The following PTN variants were observed in gnomAD, a reference collection of about 807,000 sequenced individuals.
PTN encodes the protein heparin affin regulatory protein.
In PTN, 18 loss-of-function variants were observed where a neutral mutation model predicts 24.1. The observed-to-expected ratio is 0.75, with a 90% CI of 0.52 to 1.11. PTN has a LOEUF of 1.11. Ranked by LOEUF, PTN falls within the 50% of genes least tolerant of loss-of-function variation. The pLI is 0.00. For missense variants in PTN, 163 were observed against 198.8 expected (o/e 0.82, Z 1.08); for synonymous variants, 78 against 68.6 (o/e 1.14, Z -0.67).
chr7:137,331,532 C>T (rs542657990), intron 1 of PTN, among the ~76,000 whole-genome samples: 2 of 152,330 alleles, frequency 1.3e-5, no homozygotes, highest in African/African-American at 4.8e-5. Flanking sequence ...TCACTTTAAA[C>T]TCGAGCCAGT....
rs542735816 is a variant in PTN, at chr7:137,236,300, G to A, written c.452-8225C>T. ...TCCAAATCATAAAGGGCCCATTCAG[G>A]ATGCACTTTCTTTACACAGTAGAGT... On this transcript the variant is annotated intron_variant, in intron 4 of 4. Transcript: ENST00000348225. The A allele has an allele frequency of 7.1e-6, 5 of 701,442 alleles. No individual in the cohort carries two copies. The Admixed American group carries it at 8.0e-5, about 11-fold the overall frequency. 43.5% of individuals were successfully genotyped at this position (701,442 alleles called of 1,614,324 possible). A position where few individuals can be genotyped will look rare whatever the true frequency, so the allele number is the denominator to read the frequency against.
At chr7:137,279,468 A>G (rs1268948388) in intron 1 of PTN, among the ~76,000 whole-genome samples, 4 of 152,198 alleles carry the variant, frequency 2.6e-5, no homozygotes, top group Admixed American at 6.5e-5. Context: ...AGAATTTCAG[A>G]AAAGCTTCCA....
chr7:137,311,575 C>T (rs1441615210), intron 1 of PTN, among the ~76,000 whole-genome samples: 2 of 152,060 alleles, frequency 1.3e-5, no homozygotes, highest in African/African-American at 2.4e-5. Flanking sequence ...TTTATTTGAA[C>T]ACTTAGAGGC....
Position 137,323,822 on chromosome 7 carries a change from G to T in PTN, c.-2+19617C>A, listed in dbSNP as rs138048931. Reference sequence around the variant, plus strand: ...AGTCTGGGGTACTAGCTGAGAATTTGCATGTCTAACGAGTTCTTAGGTGAA... The same window carrying T: ...AGTCTGGGGTACTAGCTGAGAATTTTCATGTCTAACGAGTTCTTAGGTGAA... On this transcript the variant is annotated intron_variant, in intron 1 of 4. Coordinates refer to ENST00000348225, the MANE Select transcript of PTN (RefSeq NM_002825.7). 1.2e-3 allele frequency among the ~76,000 whole-genome samples: 188 copies of T among 152,216 alleles called. 1 individual carries two copies. The highest frequency in any genetic ancestry group is 4.3e-3 in the African/African-American group (178 of 41,556).
intron 1 of PTN, among the ~76,000 whole-genome samples, chr7:137,293,685 G>C (rs1563214864): frequency 6.6e-6 from 1 of 152,190 alleles, no homozygotes; most frequent in East Asian, 1.9e-4. Flanking sequence ...GAGATTTCCT[G>C]TATACTCCCT....
chr7:137,327,388 T>C (rs1286982113), intron 1 of PTN, among the ~76,000 whole-genome samples: 2 of 152,116 alleles, frequency 1.3e-5, no homozygotes, highest in African/African-American at 4.8e-5. Flanking sequence ...CCACTCACTC[T>C]CTGCACAAAT....
At chr7:137,332,246 C>A (rs372152802) in intron 1 of PTN, among the ~76,000 whole-genome samples, 1 of 152,062 alleles carries the variant, frequency 6.6e-6, no homozygotes, top group Non-Finnish European at 1.5e-5. Context: ...AACAGTGGTG[C>A]CTATTTCAAG....
chr7:137,232,208 G>A (rs909444466), intron 4 of PTN, among the ~76,000 whole-genome samples: 1 of 151,972 alleles, frequency 6.6e-6, no homozygotes. Context: ...GATATAAACA[G>A]AGAATGAGCC....
At chr7:137,283,951 G>GTTTT (rs1228347789) in intron 1 of PTN, among the ~76,000 whole-genome samples, 1 of 70,078 alleles carries the variant, frequency 1.4e-5, no homozygotes, top group East Asian at 6.8e-4. Flanking sequence ...ATGAGCATCA[G>GTTTT]ATTTTTTTTT....
intron 1 of PTN, among the ~76,000 whole-genome samples, chr7:137,259,084 G>A (rs1808986455): frequency 6.6e-6 from 1 of 152,042 alleles, no homozygotes; most frequent in Non-Finnish European, 1.5e-5. Context: ...TTGGGTGCTG[G>A]TGTCTGGAAA....
At chr7:137,301,268 G>A (rs1809801201) in intron 1 of PTN, among the ~76,000 whole-genome samples, 1 of 151,778 alleles carries the variant, frequency 6.6e-6, no homozygotes, top group Non-Finnish European at 1.5e-5. Flanking sequence ...GGAAAGAGAG[G>A]GCCCTAAGTG....
chr7:137,313,801 C>G (rs322336), intron 1 of PTN, among the ~76,000 whole-genome samples: 114,033 of 152,128 alleles, frequency 0.75, 46,684 homozygotes, highest in Non-Finnish European at 0.9. Flanking sequence ...GATATCCTAT[C>G]TGTTGTACCG....
chr7:137,233,463 T>C (rs577578189), intron 4 of PTN, among the ~76,000 whole-genome samples: 2 of 152,106 alleles, frequency 1.3e-5, no homozygotes, highest in Admixed American at 6.6e-5. Flanking sequence ...TCAGCAAATA[T>C]GCACTCCATC....
chr7:137,322,946 C>T (rs1391904944), intron 1 of PTN, among the ~76,000 whole-genome samples: 1 of 152,216 alleles, frequency 6.6e-6, no homozygotes, highest in Admixed American at 6.5e-5. Flanking sequence ...TTTGCCTTTA[C>T]TAAGTGCCTT....
At chr7:137,306,075 G>A (rs1809883452) in intron 1 of PTN, among the ~76,000 whole-genome samples, 2 of 152,058 alleles carry the variant, frequency 1.3e-5, no homozygotes, top group African/African-American at 4.8e-5. Flanking sequence ...AACTCATTTT[G>A]GGCCACTGCC....
intron 1 of PTN, among the ~76,000 whole-genome samples, chr7:137,274,504 C>G (rs1190220211): frequency 2.0e-5 from 3 of 151,896 alleles, no homozygotes; most frequent in African/African-American, 7.3e-5. Context: ...TAATGTTGTC[C>G]CTCCCCTAGG....
intron 1 of PTN, among the ~76,000 whole-genome samples, chr7:137,310,547 G>A (rs575685964): frequency 2.0e-5 from 3 of 151,906 alleles, no homozygotes; most frequent in Non-Finnish European, 2.9e-5. Flanking sequence ...ACAGGCATGC[G>A]CCACCATGCC....
chr7:137,336,517 G>A (rs1810451966), intron 1 of PTN, among the ~76,000 whole-genome samples: 1 of 152,148 alleles, frequency 6.6e-6, no homozygotes, highest in African/African-American at 2.4e-5. Flanking sequence ...GTCTGCATCG[G>A]AGACTTTGCC....
intron 4 of PTN, among the ~76,000 whole-genome samples, chr7:137,232,444 G>A (rs942266716): frequency 6.6e-6 from 1 of 151,842 alleles, no homozygotes; most frequent in Non-Finnish European, 1.5e-5. Flanking sequence ...GTGTATTTTT[G>A]TAACTTTGTG....
Sources: gnomAD v4.1 joint callset for allele counts (sites outside exome capture counted in the v4.1 genomes callset) on GRCh38, gnomAD v4.1.1 for gene constraint, MANE v1.5 for transcripts, NCBI Gene and HGNC (gene_info 2026-07-23, HGNC 2026-07-21) for gene names.